The following CD226 variants were observed in gnomAD, a reference collection of about 807,000 sequenced individuals.
CD226 encodes the protein CD226 antigen.
Under a neutral mutation model 34.9 loss-of-function variants are expected in CD226, and 24 were observed. That is an observed-to-expected ratio of 0.69 (90% CI 0.50 to 0.97). CD226 has a LOEUF of 0.97. Among genes scored for constraint, CD226 ranks in the 50% least tolerant of loss-of-function variants. The pLI is 0.00. For synonymous variants in CD226, 148 were observed against 147.4 expected (o/e 1.00, Z -0.03); for missense variants, 397 against 412.7 (o/e 0.96, Z 0.33).
At chr18:69,881,683 G>A (rs565474699) in intron 3 of CD226, among the ~76,000 whole-genome samples, 11 of 152,050 alleles carry the variant, frequency 7.2e-5, no homozygotes, top group Non-Finnish European at 1.0e-4. Flanking sequence ...TTTTCATGTT[G>A]AGATGTCACA....
At chr18:69,892,171 A>G (rs1627417) in intron 3 of CD226, among the ~76,000 whole-genome samples, 133,700 of 152,240 alleles carry the variant, frequency 0.88, 59,175 homozygotes, top group East Asian at 0.97. Context: ...ACTTATCAAT[A>G]GCAAACAGAA....
intron 2 of CD226, among the ~76,000 whole-genome samples, chr18:69,900,267 C>T (rs771263258): frequency 6.6e-6 from 1 of 152,104 alleles, no homozygotes; most frequent in Non-Finnish European, 1.5e-5. Context: ...ACAACAGACA[C>T]TGGGTCTAGT....
rs142414067 is a variant in CD226, at chr18:69,954,445, A to G, written c.-28+2310T>C. Among the ~76,000 whole-genome samples, 703 of 152,304 alleles carry G rather than the reference A, an allele frequency of 4.6e-3. 6 individuals are homozygous for G. The highest frequency in any genetic ancestry group is 0.016 in the African/African-American group (668 of 41,572). ...TCTGAGGGAGGGGTCAGGGTTGGGTAAAGTGGGGTAGAGGTGCAGGTAGAG... is the reference window on the plus strand; with the variant it reads ...TCTGAGGGAGGGGTCAGGGTTGGGTGAAGTGGGGTAGAGGTGCAGGTAGAG... On this transcript the variant is annotated intron_variant, in intron 1 of 6. Coordinates refer to the CD226 transcript ENST00000280200.
chr18:69,865,518 A>G (rs780678953), intron 5 of CD226, among the ~76,000 whole-genome samples: 52 of 149,334 alleles, frequency 3.5e-4, no homozygotes, highest in Non-Finnish European at 5.6e-4. Flanking sequence ...CAAATTCACA[A>G]CAATAAATGT....
intron 3 of CD226, among the ~76,000 whole-genome samples, chr18:69,876,175 G>A (rs1435891662): frequency 4.6e-5 from 7 of 152,016 alleles, no homozygotes; most frequent in Middle Eastern, 3.4e-3. Flanking sequence ...TGTTCATTTT[G>A]TGATCAGGCA....
chr18:69,917,410 C>T (rs569114112), intron 2 of CD226, among the ~76,000 whole-genome samples: 1 of 152,280 alleles, frequency 6.6e-6, no homozygotes, highest in South Asian at 2.1e-4. Flanking sequence ...TTCCTTCCCT[C>T]CTTCTGCTGC....
intron 2 of CD226, among the ~76,000 whole-genome samples, chr18:69,930,054 G>A (rs1216923388): frequency 6.6e-6 from 1 of 152,054 alleles, no homozygotes; most frequent in African/African-American, 2.4e-5. Flanking sequence ...ATCCTACTGG[G>A]ACTGGAGAAG....
At chr18:69,880,357 A>G (rs1616351) in intron 3 of CD226, among the ~76,000 whole-genome samples, 42,194 of 88,924 alleles carry the variant, frequency 0.47, 7,505 homozygotes, top group Middle Eastern at 0.58. Context: ...AGAAAGAAAG[A>G]AAGGAAGGAA....
intron 2 of CD226, among the ~76,000 whole-genome samples, chr18:69,909,740 A>G (rs999022174): frequency 6.6e-6 from 1 of 152,250 alleles, no homozygotes; most frequent in Non-Finnish European, 1.5e-5. Context: ...ATAATAATAC[A>G]TGTATTCAGC....
chr18:69,916,138 C>A (rs2055383208), intron 2 of CD226, among the ~76,000 whole-genome samples: 1 of 152,098 alleles, frequency 6.6e-6, no homozygotes, highest in Non-Finnish European at 1.5e-5. Context: ...ATAAATAAAT[C>A]ACTGATGATT....
At chr18:69,938,902 A>G (rs1470007194) in intron 2 of CD226, among the ~76,000 whole-genome samples, 5 of 152,202 alleles carry the variant, frequency 3.3e-5, no homozygotes, top group Admixed American at 6.5e-5. Context: ...CCTGGCCAAC[A>G]TGGCAAAACC....
chr18:69,885,235 C>T (rs930503383), intron 3 of CD226, among the ~76,000 whole-genome samples: 5 of 152,126 alleles, frequency 3.3e-5, no homozygotes, highest in Non-Finnish European at 7.4e-5. Flanking sequence ...ATGTATTTAG[C>T]TGTACAATAT....
chr18:69,910,093 C>A (rs1404317411), intron 2 of CD226, among the ~76,000 whole-genome samples: 2 of 152,186 alleles, frequency 1.3e-5, no homozygotes, highest in African/African-American at 4.8e-5. Context: ...GCAGCCTGAA[C>A]TTTTTTCATT....
Position 69,888,208 on chromosome 18 carries a change from T to C in CD226, c.727+7493A>G, listed in dbSNP as rs78545430. Among the ~76,000 whole-genome samples the C allele has an allele frequency of 8.7e-4, 133 of 152,336 alleles. 2 individuals carry two copies. In the East Asian group the frequency reaches 0.025, roughly 29 times the overall value. On this transcript the variant is annotated intron_variant, in intron 3 of 5. Transcript: ENST00000582621. ...TTTACATTTTAAGTAATTTTCTACT[T>C]GCTTTTGGAGAAATCTTTGATCAAT...
chr18:69,897,989 T>C (rs1985397652), intron 2 of CD226, among the ~76,000 whole-genome samples: 1 of 150,098 alleles, frequency 6.7e-6, no homozygotes, highest in East Asian at 1.9e-4. Context: ...CGTCTCTAAG[T>C]AATAAAGCAA....
At chr18:69,900,345 T>TG (rs34338600) in intron 2 of CD226, among the ~76,000 whole-genome samples, 59,409 of 151,740 alleles carry the variant, frequency 0.39, 13,737 homozygotes, top group African/African-American at 0.66. Flanking sequence ...GCTTAATAAC[T>TG]GGTGATGAAA....
upstream of CD226, among the ~76,000 whole-genome samples, chr18:69,952,458 AT>A (rs1378946431): frequency 6.6e-6 from 1 of 152,248 alleles, no homozygotes; most frequent in African/African-American, 2.4e-5. Context: ...CCATACATCT[AT>A]GAACAATTGA....
chr18:69,958,907 A>C (rs2055916631), upstream of CD226, among the ~76,000 whole-genome samples: 1 of 152,034 alleles, frequency 6.6e-6, no homozygotes, highest in Non-Finnish European at 1.5e-5. Context: ...GCTATTTTTA[A>C]GGGAGGCACA....
intron 3 of CD226, among the ~76,000 whole-genome samples, chr18:69,881,555 G>A (rs566749533): frequency 5.9e-5 from 9 of 152,178 alleles, no homozygotes; most frequent in Non-Finnish European, 1.3e-4. Context: ...TGCAGAGGTG[G>A]TTTCAACATT....
Sources: gnomAD v4.1 joint callset for allele counts (sites outside exome capture counted in the v4.1 genomes callset) on GRCh38, gnomAD v4.1.1 for gene constraint, MANE v1.5 for transcripts, NCBI Gene and HGNC (gene_info 2026-07-23, HGNC 2026-07-21) for gene names.